The following KCNQ5 variants were observed in gnomAD, a reference collection of about 807,000 sequenced individuals.
KCNQ5 encodes the protein potassium voltage-gated channel subfamily KQT member 5.
A neutral mutation model predicts 98.2 loss-of-function variants in KCNQ5; 30 were observed. The ratio of observed to expected loss-of-function variants is 0.31; its 90% CI spans 0.23 to 0.41. The LOEUF (loss-of-function observed/expected upper bound fraction) is 0.41. KCNQ5 is among the 10% of genes least tolerant of loss of function. The pLI, the probability that KCNQ5 is intolerant of heterozygous loss-of-function variation, is 1.00. For synonymous variants in KCNQ5, 458 were observed against 449.4 expected (o/e 1.02, Z -0.24); for missense variants, 835 against 1,182.5 (o/e 0.71, Z 4.31).
chr6:72,930,470 G>T (rs1399882516), intron 1 of KCNQ5, among the ~76,000 whole-genome samples: 1 of 151,086 alleles, frequency 6.6e-6, no homozygotes, highest in African/African-American at 2.4e-5. Context: ...GACCATTTGT[G>T]CCATGTTTGC....
intron 1 of KCNQ5, among the ~76,000 whole-genome samples, chr6:72,729,934 G>A (rs1770474906): frequency 6.6e-6 from 1 of 152,188 alleles, no homozygotes; most frequent in African/African-American, 2.4e-5. Context: ...GCCGAGGTGG[G>A]AGGAACCTTT....
intron 13 of KCNQ5, among the ~76,000 whole-genome samples, chr6:73,193,687 T>C (rs1166297196): frequency 6.6e-6 from 1 of 151,894 alleles, no homozygotes; most frequent in African/African-American, 2.4e-5. Flanking sequence ...CCTTTATTTT[T>C]TTATGTAACT....
intron 1 of KCNQ5, among the ~76,000 whole-genome samples, chr6:72,973,607 G>A (rs939463163): frequency 6.6e-6 from 1 of 152,110 alleles, no homozygotes; most frequent in African/African-American, 2.4e-5. Flanking sequence ...CCTATTATGA[G>A]TAATAGTACC....
chr6:72,655,062 TTC>T (rs1766101288), intron 1 of KCNQ5, among the ~76,000 whole-genome samples: 1 of 150,608 alleles, frequency 6.6e-6, no homozygotes, highest in African/African-American at 2.4e-5. Context: ...CTTTCTTTCT[TTC>T]TTTCTTTCTT....
At chr6:72,640,837 G>C (rs535554625) in intron 1 of KCNQ5, 1 of 152,064 alleles carries the variant, frequency 6.6e-6, no homozygotes, top group African/African-American at 2.4e-5. Flanking sequence ...TTCAGTTGTA[G>C]ATCTGTGACC....
intron 1 of KCNQ5, among the ~76,000 whole-genome samples, chr6:72,852,662 A>ATATATATATAT (rs1389810749): frequency 7.8e-4 from 30 of 38,304 alleles, no homozygotes; most frequent in African/African-American, 9.7e-4. Flanking sequence ...TATATATATA[A>ATATATATATAT]ATGGCACTTA....
chr6:72,650,701 G>A (rs987577515), intron 1 of KCNQ5, among the ~76,000 whole-genome samples: 8 of 152,072 alleles, frequency 5.3e-5, no homozygotes, highest in African/African-American at 1.9e-4. Flanking sequence ...TTAGTATAGG[G>A]TCTTGTTTAC....
intron 1 of KCNQ5, among the ~76,000 whole-genome samples, chr6:72,653,935 A>G (rs1766004302): frequency 6.6e-6 from 1 of 152,112 alleles, no homozygotes; most frequent in Admixed American, 6.6e-5. Context: ...AAATAATAGC[A>G]TCTTCTCATT....
chr6:72,975,925 GAA>G (rs1768141158), intron 1 of KCNQ5, among the ~76,000 whole-genome samples: 1 of 152,190 alleles, frequency 6.6e-6, no homozygotes, highest in African/African-American at 2.4e-5. Flanking sequence ...CATGAAATGT[GAA>G]TGCGCTCAGA....
chr6:72,667,357 G>T (rs76074956), intron 1 of KCNQ5, among the ~76,000 whole-genome samples: 1,562 of 152,168 alleles, frequency 0.01, 25 homozygotes, highest in African/African-American at 0.035. Context: ...TTCGTATCCC[G>T]ACTTCACCCT....
At chr6:72,968,107 T>A (rs958341952) in intron 1 of KCNQ5, among the ~76,000 whole-genome samples, 3 of 152,178 alleles carry the variant, frequency 2.0e-5, no homozygotes, top group African/African-American at 7.2e-5. Flanking sequence ...AAAATGTGAA[T>A]AGAAACTTAC....
At chr6:73,020,486 G>A (rs1582202757) in intron 2 of KCNQ5, among the ~76,000 whole-genome samples, 1 of 152,072 alleles carries the variant, frequency 6.6e-6, no homozygotes, top group East Asian at 1.9e-4. Flanking sequence ...ACCTCCAGAT[G>A]TTCAGCTATA....
intron 1 of KCNQ5, among the ~76,000 whole-genome samples, chr6:72,836,344 T>G (rs1357208144): frequency 6.6e-6 from 1 of 152,184 alleles, no homozygotes; most frequent in Non-Finnish European, 1.5e-5. Context: ...AAACTGATGA[T>G]TATGTGACCC....
At position 73,195,393 on chromosome 6, in the gene KCNQ5, G is replaced by T. The variant is rs755272747; in HGVS notation, c.2778G>T (p.Leu926Phe). 1 of 1,612,948 alleles carries T rather than the reference G, an allele frequency of 6.2e-7. No individual in the cohort carries two copies. The highest frequency in any genetic ancestry group is 2.2e-5 in the East Asian group (1 of 44,866). Reference protein sequence around the residue: ...KAGESTDALSLPHVKLK With the variant: ...KAGESTDALSFPHVKLK Reference sequence around the variant, plus strand: ...GAGAAAGTACAGATGCCCTCAGCTTGCCTCATGTCAAACTGAAATAAGTTC... The same window carrying T: ...GAGAAAGTACAGATGCCCTCAGCTTTCCTCATGTCAAACTGAAATAAGTTC... Residue 926 changes from leucine to phenylalanine, a missense_variant, in exon 14 of 14, where the codon TTG (leucine) becomes TTT (phenylalanine). This residue lies in a region of KCNQ5 where 416 missense variants were observed against 446.9 expected (regional missense o/e 0.93). Transcript: ENST00000370398.
At position 73,077,903 on chromosome 6, in the gene KCNQ5, C is replaced by CA; in HGVS notation, c.918+17dup. Reference sequence around the variant, plus strand: ...GTGGGGCACAGTAAGTATAAAAATACATTTTTTATTTATTGGATGTTGTGA... The same window carrying CA: ...GTGGGGCACAGTAAGTATAAAAATACAATTTTTTATTTATTGGATGTTGTGA... On this transcript the variant is annotated intron_variant, in intron 5 of 13. Coordinates refer to ENST00000370398, the MANE Select transcript of KCNQ5 (RefSeq NM_019842.4). 6.4e-7 allele frequency: 1 copy of CA among 1,562,750 alleles called. No individual in the cohort carries two copies. Among genetic ancestry groups the CA allele is most frequent in the African/African-American group, 1.4e-5 (1 of 72,510 alleles).
At chr6:72,770,823 A>G (rs1772832363) in intron 1 of KCNQ5, among the ~76,000 whole-genome samples, 1 of 152,182 alleles carries the variant, frequency 6.6e-6, no homozygotes, top group African/African-American at 2.4e-5. Flanking sequence ...TAAATTAGTA[A>G]TATTAGCCCC....
At chr6:73,173,300 T>C (rs935913359) in intron 11 of KCNQ5, among the ~76,000 whole-genome samples, 4 of 152,190 alleles carry the variant, frequency 2.6e-5, no homozygotes, top group African/African-American at 7.2e-5. Context: ...ATTTTAGTGA[T>C]TCAGTTCAAA....
chr6:73,035,206 A>G (rs1481413434), intron 2 of KCNQ5, among the ~76,000 whole-genome samples: 1 of 152,126 alleles, frequency 6.6e-6, no homozygotes. Context: ...AAATTCTTCT[A>G]TGTTTTACCA....
chr6:73,080,966 A>G (rs1012748119), intron 5 of KCNQ5, among the ~76,000 whole-genome samples: 13 of 152,196 alleles, frequency 8.5e-5, no homozygotes, highest in African/African-American at 3.1e-4. Flanking sequence ...AGTGAATAGC[A>G]ATACCTAGTT....
Sources: gnomAD v4.1 joint callset for allele counts (sites outside exome capture counted in the v4.1 genomes callset) on GRCh38, gnomAD v4.1.1 for gene constraint, gnomAD v4.1.1 regional missense constraint, MANE v1.5 for transcripts, NCBI Gene and HGNC (gene_info 2026-07-23, HGNC 2026-07-21) for gene names.